The following TAB2 variants were observed in gnomAD, a reference collection of about 807,000 sequenced individuals.
TAB2 encodes the protein TGF-beta-activated kinase 1 and MAP3K7-binding protein 2.
Under a neutral mutation model 65.0 loss-of-function variants are expected in TAB2, and 3 were observed. That is an observed-to-expected ratio of 0.05 (90% confidence interval 0.02 to 0.12). The LOEUF is 0.12. Ranked by LOEUF, TAB2 falls within the 10% of genes least tolerant of loss-of-function variation. The pLI is 1.00. For missense variants in TAB2, 623 were observed against 840.3 expected, an observed-to-expected ratio of 0.74 and a Z score of 3.20; for synonymous variants, 298 against 285.1, an observed-to-expected ratio of 1.05 and a Z score of -0.46.
At chr6:149,400,744 A>G in intron 6 of TAB2, 3 of 1,542,892 alleles carry the variant, frequency 1.9e-6, no homozygotes, top group Non-Finnish European at 2.6e-6. Context: ...TGCATTCTCA[A>G]TTAGAAAACT....
intron 6 of TAB2, chr6:149,400,119 A>G: frequency 4.3e-6 from 2 of 466,806 alleles, no homozygotes; most frequent in Non-Finnish European, 7.6e-6. Context: ...CTTATTAGTA[A>G]TTACCTTAAC....
chr6:149,403,663 G>A (rs1782563266), intron 6 of TAB2, among the ~76,000 whole-genome samples: 1 of 151,962 alleles, frequency 6.6e-6, no homozygotes. Context: ...TTCTGTATAG[G>A]AAGCGTGTCA....
At chr6:149,262,388 C>A (rs1690221835) in intron 1 of TAB2, among the ~76,000 whole-genome samples, 1 of 152,102 alleles carries the variant, frequency 6.6e-6, no homozygotes, top group Non-Finnish European at 1.5e-5. Context: ...CAAAAAGTAG[C>A]TGGGCGTGGT....
chr6:149,290,815 A>G (rs962672169), intron 1 of TAB2, among the ~76,000 whole-genome samples: 3 of 152,234 alleles, frequency 2.0e-5, no homozygotes, highest in Admixed American at 6.5e-5. Flanking sequence ...ACTGCACTCC[A>G]GCCTGGGCAA....
intron 1 of TAB2, among the ~76,000 whole-genome samples, chr6:149,328,493 C>T (rs1230004062): frequency 6.6e-6 from 1 of 152,136 alleles, no homozygotes; most frequent in Non-Finnish European, 1.5e-5. Context: ...AGGGTTTCAC[C>T]GTGTTAGCCA....
intron 2 of TAB2, among the ~76,000 whole-genome samples, chr6:149,374,643 G>A (rs1465315631): frequency 6.6e-6 from 1 of 152,224 alleles, no homozygotes; most frequent in Non-Finnish European, 1.5e-5. Context: ...GACAACATCT[G>A]AATCTACCAG....
chr6:149,389,601 C>T (rs868490937), intron 3 of TAB2, among the ~76,000 whole-genome samples: 2 of 148,288 alleles, frequency 1.3e-5, no homozygotes, highest in South Asian at 2.1e-4. Context: ...GCCAAGATCA[C>T]GCCATTGCAC....
intron 1 of TAB2, among the ~76,000 whole-genome samples, chr6:149,328,942 G>T (rs1249814418): frequency 6.6e-6 from 1 of 152,146 alleles, no homozygotes; most frequent in African/African-American, 2.4e-5. Context: ...ACAGGCTGCA[G>T]ATAGGTCTTT....
chr6:149,361,920 A>G (rs148375256), intron 1 of TAB2, among the ~76,000 whole-genome samples: 4 of 152,238 alleles, frequency 2.6e-5, no homozygotes, highest in Admixed American at 6.5e-5. Flanking sequence ...TTGCTAAGGC[A>G]TAACAAGGCT....
intron 1 of TAB2, among the ~76,000 whole-genome samples, chr6:149,339,511 T>C (rs1018782342): frequency 1.3e-4 from 20 of 152,262 alleles, no homozygotes; most frequent in Admixed American, 2.6e-4. Context: ...GACACTGTCA[T>C]ATAAGTAAAC....
At chr6:149,350,617 C>CT (rs150204735) in intron 1 of TAB2, among the ~76,000 whole-genome samples, 17,223 of 92,272 alleles carry the variant, frequency 0.19, 1,862 homozygotes, top group African/African-American at 0.3. Context: ...TATTTTATGT[C>CT]TTTTTTTTTT....
intron 2 of TAB2, among the ~76,000 whole-genome samples, chr6:149,373,573 G>A (rs1247981763): frequency 6.6e-6 from 1 of 152,162 alleles, no homozygotes; most frequent in East Asian, 1.9e-4. Flanking sequence ...GTTGGTTAAA[G>A]GAGTGAATGA....
At chr6:149,355,094 A>T (rs572527286) in intron 1 of TAB2, among the ~76,000 whole-genome samples, 2 of 152,268 alleles carry the variant, frequency 1.3e-5, no homozygotes, top group East Asian at 3.9e-4. Context: ...TTAATTAAAG[A>T]TCATTATTTT....
rs866010271 is a variant in TAB2 at position 149,264,114 on chromosome 6, G to T, written c.-121+45338G>T. 1.3e-4 allele frequency among the ~76,000 whole-genome samples: 20 copies of T among 152,348 alleles called. No individual in the cohort carries two copies. The South Asian group carries it at 2.7e-3, about 21-fold the overall frequency. ...TTGGCCCGAGGACCCAGCAGAATGG[G>T]CAGGTAGCGCTGGTCTGAGTCTCCT... is the stretch of plus-strand genomic sequence containing the variant. On this transcript the variant is annotated intron_variant, in intron 1 of 1. Coordinates refer to the TAB2 transcript ENST00000606202.
intron 1 of TAB2, among the ~76,000 whole-genome samples, chr6:149,274,327 T>C (rs1458525544): frequency 6.6e-6 from 1 of 152,262 alleles, no homozygotes. Flanking sequence ...TCACAGACTC[T>C]ACAACCACAT....
At chr6:149,396,017 T>A (rs574125979) in intron 3 of TAB2, among the ~76,000 whole-genome samples, 2 of 152,212 alleles carry the variant, frequency 1.3e-5, no homozygotes, top group South Asian at 2.1e-4. Flanking sequence ...TCTCTCTCTG[T>A]CTCCCCCTAC....
intron 1 of TAB2, chr6:149,243,348 C>T (rs566477735): frequency 2.0e-5 from 3 of 152,308 alleles, no homozygotes; most frequent in East Asian, 1.9e-4. Context: ...ATCAATATAT[C>T]GTGTTCTGCT....
At chr6:149,407,669 G>A (rs1782711042) in intron 6 of TAB2, among the ~76,000 whole-genome samples, 2 of 151,850 alleles carry the variant, frequency 1.3e-5, no homozygotes, top group African/African-American at 2.4e-5. Context: ...GCTTCATAAT[G>A]TAGAGATTTT....
intron 1 of TAB2, among the ~76,000 whole-genome samples, chr6:149,251,398 A>C (rs560920533): frequency 7.6e-4 from 116 of 152,308 alleles, no homozygotes; most frequent in Non-Finnish European, 1.3e-3. Flanking sequence ...TGTGACTCCC[A>C]CTGGGACAAA....
Sources: allele counts gnomAD v4.1 joint callset (sites outside exome capture counted in the v4.1 genomes callset), GRCh38; gene constraint gnomAD v4.1.1; transcripts MANE v1.5; gene names NCBI Gene and HGNC (gene_info 2026-07-23, HGNC 2026-07-21).